Variants in FAM161B observed in about 807,000 individuals in gnomAD.
FAM161B encodes the protein FAM161 centrosomal protein B, also known as protein FAM161B.
A neutral mutation model predicts 61.5 loss-of-function variants in FAM161B; 46 were observed. That is an observed-to-expected ratio of 0.75 (90% CI 0.59 to 0.96). FAM161B has a LOEUF of 0.96. Among genes scored for constraint, FAM161B ranks in the 40% least tolerant of loss-of-function variants. The probability of loss-of-function intolerance (pLI) is 0.00; values close to 1 mark genes in which losing one functional copy is unlikely to be tolerated. For missense variants in FAM161B, 774 were observed against 800.7 expected, an observed-to-expected ratio of 0.97 and a Z score of 0.40; for synonymous variants, 284 against 302.7, an observed-to-expected ratio of 0.94 and a Z score of 0.64.
intron 4 of FAM161B, among the ~76,000 whole-genome samples, chr14:73,942,087 G>C (rs577978923): frequency 6.6e-6 from 1 of 152,162 alleles, no homozygotes; most frequent in African/African-American, 2.4e-5. Flanking sequence ...GCTCACTGCA[G>C]CCAGAAGGTC....
In FAM161B at chr14:73,942,439, A is replaced by T; in HGVS notation, c.1202T>A (p.Phe401Tyr). The T allele has an allele frequency of 6.2e-7, 1 of 1,614,158 alleles. No homozygotes were observed. The change falls in exon 4 of 9, where the codon TTC becomes TAC. Residue 401 changes from phenylalanine to tyrosine, a missense_variant. Physicochemically the swap from Phe to Tyr is conservative, Grantham distance 22. Coordinates refer to ENST00000286544, the MANE Select transcript of FAM161B (RefSeq NM_152445.3). ...GCGCAGGTTGGCGGTCCTCAGCAAG[A>T]AGGGCTTGTTGCGAGTGGCCTCTTG... ...ETQEATRNKPFLLRTANLRHP... is the reference protein window; with the variant it reads ...ETQEATRNKPYLLRTANLRHP...
intron 5 of FAM161B, among the ~76,000 whole-genome samples, chr14:73,939,023 G>T (rs1319635185): frequency 6.6e-6 from 1 of 152,062 alleles, no homozygotes; most frequent in Admixed American, 6.6e-5. Context: ...CTTAGGTCGG[G>T]CACGGTGGCT....
At chr14:73,928,823 C>G (rs2055871061), downstream of FAM161B, among the ~76,000 whole-genome samples, 1 of 152,070 alleles carries the variant, frequency 6.6e-6, no homozygotes, top group Non-Finnish European at 1.5e-5. Context: ...TGGTGCATAC[C>G]TGTAGTCCCA....
In FAM161B at chr14:73,937,645, T is replaced by G. The variant is rs1045039195; in HGVS notation, c.1622A>C (p.Gln541Pro). ...GAGATAGGGCCTTGTTTGTATTCGC[T>G]GCTTCATTTCCTCCAGTTCTTTCTT... is the stretch of plus-strand genomic sequence containing the variant. ...EYKKELEEMK[Q>P]RIQTRPYLFE... is the part of the protein sequence containing the mutation. The change falls in exon 7 of 9, where the codon CAG (glutamine) becomes CCG (proline). Residue 541 changes from glutamine (Q) to proline (P), a missense_variant. By Grantham distance (76) the Gln-to-Pro change is moderately conservative. Coordinates refer to ENST00000286544, the MANE Select transcript of FAM161B (RefSeq NM_152445.3). The G allele has an allele frequency of 3.1e-6, 5 of 1,614,086 alleles. No individual in the cohort carries two copies. The highest frequency in any genetic ancestry group is 1.7e-5 in the Admixed American group (1 of 60,008).
At chr14:73,943,037 C>A (rs2056033256) in intron 3 of FAM161B, among the ~76,000 whole-genome samples, 2 of 152,018 alleles carry the variant, frequency 1.3e-5, no homozygotes, top group South Asian at 4.1e-4. Flanking sequence ...TTACTGAGCA[C>A]TTTCTATGAT....
At chr14:73,936,151 T>G (rs1040909538) in intron 7 of FAM161B, 63 bp from the exon 8 acceptor site, 9 of 1,505,186 alleles carry the variant, frequency 6.0e-6, no homozygotes, top group Middle Eastern at 1.8e-4. Context: ...TCTAAATTAC[T>G]TAATCAGTAT....
At chr14:73,923,444 GAC>G in the FAM161B span, 1 of 1,614,004 alleles carries the variant, frequency 6.2e-7, no homozygotes, top group South Asian at 1.1e-5. Flanking sequence ...TGCCTGATGT[GAC>G]ACATCACCTG....
In FAM161B at chr14:73,932,297, T is replaced by C. The variant is rs2055928000; in HGVS notation, c.*1959A>G. 1 of 337,824 alleles carries C rather than the reference T, an allele frequency of 3.0e-6. No individual in the cohort carries two copies. Among genetic ancestry groups the C allele is most frequent in the African/African-American group, 2.2e-5 (1 of 46,260 alleles). 20.9% of individuals were successfully genotyped at this position (337,824 alleles called of 1,614,324 possible). A position where few individuals can be genotyped will look rare whatever the true frequency, so the allele number is the denominator to read the frequency against. ...CCAGTCAGTTCTTTGGCTCTTGTTT[T>C]ATACAAAATTTGTTTTCTTAGAGAT... On this transcript the variant is annotated 3_prime_UTR_variant, in exon 9 of 9. Transcript: ENST00000286544.
At chr14:73,946,893 C>T (rs955050641) in intron 1 of FAM161B, among the ~76,000 whole-genome samples, 1 of 152,184 alleles carries the variant, frequency 6.6e-6, no homozygotes, top group African/African-American at 2.4e-5. Context: ...CTATGCCATA[C>T]AGTGCAGTAA....
chr14:73,942,300 G>A lies in FAM161B; in HGVS notation c.1272+69C>T, dbSNP rs369969944. 1.8e-4 allele frequency: 261 copies of A among 1,482,988 alleles called. 2 individuals are homozygous for A. In the African/African-American group the frequency reaches 3.4e-3, roughly 20 times the overall value. The allele number at this position is 1,482,988 out of a possible 1,614,324, so 91.9% of individuals were successfully genotyped here. ...AAACCTTGTTGAGAAGTGCTTTCCAGGAAGACCTGGCCCCACCCTGTATTT... is the reference window on the plus strand; with the variant it reads ...AAACCTTGTTGAGAAGTGCTTTCCAAGAAGACCTGGCCCCACCCTGTATTT... On this transcript the variant is annotated intron_variant, in intron 4 of 8. Coordinates refer to ENST00000286544, the MANE Select transcript of FAM161B (RefSeq NM_152445.3).
At chr14:73,931,548 G>A (rs537085455), downstream of FAM161B, 183 of 1,610,742 alleles carry the variant, frequency 1.1e-4, 6 homozygotes, top group South Asian at 1.9e-3. Context: ...ATGAGCGTGG[G>A]TGCTGACTCC....
chr14:73,946,681 T>C, intron 1 of FAM161B, 76 bp from the exon 2 acceptor site: 1 of 1,473,310 alleles, frequency 6.8e-7, no homozygotes, highest in Non-Finnish European at 9.2e-7. Flanking sequence ...AATTTCGCTT[T>C]GAATAAGCTT....
chr14:73,935,992 G>C lies in FAM161B; in HGVS notation c.1762C>G (p.Arg588Gly), dbSNP rs565077740. Residue 588 changes from arginine (R) to glycine (G), a missense_variant, in exon 8 of 9, where the codon CGG becomes GGG. Coordinates refer to ENST00000286544, the MANE Select transcript of FAM161B (RefSeq NM_152445.3). The part of the protein sequence containing the change: ...DFVRNKGQGT[R>G]AVQEKETKIK... ...TTGGTCTCTTTCTCTTGAACAGCCC[G>C]GGTGCCTTGACCCTTGTTTCTCACA... 6.2e-7 allele frequency: 1 copy of C among 1,613,382 alleles called. No homozygotes were observed. The highest frequency in any genetic ancestry group is 1.1e-5 in the South Asian group (1 of 90,952).
chr14:73,941,630 C>G (rs939141264), intron 4 of FAM161B, among the ~76,000 whole-genome samples: 2 of 152,154 alleles, frequency 1.3e-5, no homozygotes, highest in Admixed American at 1.3e-4. Context: ...AACTCCTTGC[C>G]TCTCAAGCCT....
chr14:73,943,714 C>T (rs11627195), intron 3 of FAM161B, among the ~76,000 whole-genome samples: 62,882 of 152,044 alleles, frequency 0.41, 13,913 homozygotes, highest in South Asian at 0.51. Context: ...GATATATGCT[C>T]CCATGCTTCC....
intron 1 of FAM161B, among the ~76,000 whole-genome samples, chr14:73,947,349 C>T (rs541407791): frequency 7.1e-6 from 1 of 140,566 alleles, no homozygotes; most frequent in East Asian, 2.1e-4. Context: ...TGCGCCACTG[C>T]ACTCCAGCCT....
intron 7 of FAM161B, 97 bp from the exon 8 acceptor site, chr14:73,936,185 C>T: frequency 7.5e-7 from 1 of 1,329,690 alleles, no homozygotes; most frequent in South Asian, 1.9e-5. Context: ...CCACAACCAC[C>T]ACCACCCTTA....
the FAM161B span, chr14:73,923,439 G>C: frequency 6.2e-6 from 10 of 1,614,060 alleles, no homozygotes; most frequent in East Asian, 2.2e-4. Flanking sequence ...TTCAGTGCCT[G>C]ATGTGACACA....
At position 73,944,227 on chromosome 14, in the gene FAM161B, C is replaced by T. The variant is rs530636538; in HGVS notation, c.925+108G>A. On this transcript the variant is annotated intron_variant, in intron 3 of 8. Coordinates refer to ENST00000286544, the MANE Select transcript of FAM161B (RefSeq NM_152445.3). Reference sequence around the variant, plus strand: ...GCGTGCAGCCTCTAGTGGGTCCACCCAAGCAGCAAATCTCCAAGCCAGGCA... The same window carrying T: ...GCGTGCAGCCTCTAGTGGGTCCACCTAAGCAGCAAATCTCCAAGCCAGGCA... 2.9e-5 allele frequency: 43 copies of T among 1,500,780 alleles called. No individual in the cohort carries two copies. In the African/African-American group the frequency reaches 5.7e-4, roughly 20 times the overall value. 93.0% of individuals were successfully genotyped at this position (1,500,780 alleles called of 1,614,324 possible). A position where few individuals can be genotyped will look rare whatever the true frequency, so the allele number is the denominator to read the frequency against.
Sources: allele counts gnomAD v4.1 joint callset (sites outside exome capture counted in the v4.1 genomes callset), GRCh38; gene constraint gnomAD v4.1.1; transcripts MANE v1.5; gene names NCBI Gene and HGNC (gene_info 2026-07-23, HGNC 2026-07-21).